RTEL1: variants seen among roughly 807,000 people sequenced by gnomAD.
RTEL1 encodes the protein regulator of telomere elongation helicase 1.
In RTEL1, 86 loss-of-function variants were observed where a neutral mutation model predicts 162.2. The observed-to-expected ratio is 0.53, with a 90% CI of 0.45 to 0.63. The LOEUF is 0.63. Among genes scored for constraint, RTEL1 ranks in the 30% least tolerant of loss-of-function variants. RTEL1 has a pLI of 0.00. For synonymous variants in RTEL1, 958 were observed against 717.9 expected (o/e 1.33, Z -5.35); for missense variants, 1,941 against 1,750.2 (o/e 1.11, Z -1.95).
intron 30 of RTEL1, among the ~76,000 whole-genome samples, chr20:63,694,135 C>T (rs915977353): frequency 6.6e-6 from 1 of 152,154 alleles, no homozygotes; most frequent in African/African-American, 2.4e-5. Context: ...CTGCACCCAG[C>T]CTACGGCTCT....
At chr20:63,681,998 C>T in intron 14 of RTEL1, 1 of 985,444 alleles carries the variant, frequency 1.0e-6, no homozygotes, top group Non-Finnish European at 1.2e-6. Context: ...CTTCCATGTC[C>T]CTGATGGGTC....
intron 23 of RTEL1, 44 bp from the exon 24 acceptor site, chr20:63,689,706 C>A (rs777324999): frequency 6.2e-7 from 1 of 1,604,670 alleles, no homozygotes; most frequent in Non-Finnish European, 8.5e-7. Flanking sequence ...GCCCCCGCCC[C>A]GTGGCCAAGG....
intron 14 of RTEL1, among the ~76,000 whole-genome samples, chr20:63,683,130 A>G (rs1351649965): frequency 6.6e-6 from 1 of 152,172 alleles, no homozygotes; most frequent in East Asian, 1.9e-4. Flanking sequence ...CACTCAGCTA[A>G]TTTTTAAAAT....
chr20:63,688,785 A>G (rs2090655366), intron 21 of RTEL1, 180 bp downstream of exon 21: 2 of 649,820 alleles, frequency 3.1e-6, no homozygotes, highest in Admixed American at 2.9e-5. Flanking sequence ...CAAAGCCCCC[A>G]GCACCGGGTG....
At chr20:63,686,180 C>T in intron 16 of RTEL1, 1 of 468,204 alleles carries the variant, frequency 2.1e-6, no homozygotes, top group East Asian at 4.1e-5. Flanking sequence ...GCCGTCAGCA[C>T]AGAGCCTCCA....
intron 29 of RTEL1, 61 bp downstream of exon 29, chr20:63,693,064 G>A (rs1363200720): frequency 1.9e-6 from 3 of 1,609,678 alleles, no homozygotes; most frequent in South Asian, 1.1e-5. Context: ...GTGTGGGGTG[G>A]GGGCCATCTG....
At chr20:63,687,486 GTTCTGAC>G (rs977814241) in intron 16 of RTEL1, 145 bp from the exon 17 acceptor site, 36 of 903,108 alleles carry the variant, frequency 4.0e-5, no homozygotes, top group Middle Eastern at 6.9e-4. Context: ...AGCCTCCTTT[GTTCTGAC>G]TTCTGCACAG....
intron 10 of RTEL1, among the ~76,000 whole-genome samples, chr20:63,675,207 T>A (rs1031386685): frequency 6.6e-6 from 1 of 152,230 alleles, no homozygotes; most frequent in African/African-American, 2.4e-5. Context: ...GCCCGGCCTT[T>A]GTCCATATTT....
chr20:63,693,469 C>T lies in RTEL1; in HGVS notation c.2992+186C>T, dbSNP rs1338660755. On this transcript the variant is annotated intron_variant, in intron 30 of 34. Coordinates refer to ENST00000360203, the MANE Select transcript of RTEL1 (RefSeq NM_001283009.2). ...AGCAGCACCACCTCCACCTCCACCT[C>T]CACCTCCACCTCCACCACCACCTCC... Among the ~76,000 whole-genome samples, 7 of 30,970 alleles carry T rather than the reference C, an allele frequency of 2.3e-4. 1 individual carries two copies. Among genetic ancestry groups the T allele is most frequent in the African/African-American group, 4.4e-4 (4 of 9,058 alleles). The allele number at this position is 30,970 out of a possible 152,430, so 20.3% of individuals were successfully genotyped here. A position where few individuals can be genotyped will look rare whatever the true frequency, so the allele number is the denominator to read the frequency against.
In RTEL1 at chr20:63,667,552, AGGT is replaced by A; in HGVS notation, c.699+2_699+4del. 1 of 1,613,234 alleles carries A rather than the reference AGGT, an allele frequency of 6.2e-7. No individual in the cohort carries two copies. The highest frequency in any genetic ancestry group is 1.7e-4 in the Middle Eastern group (1 of 6,060). Reference sequence around the variant, plus strand: ...CCGTACAATTACTTGTTGGATGCCAAGGTGGGGGCTCAGTCCTGTAGCTGACGA... The same window carrying A: ...CCGTACAATTACTTGTTGGATGCCAAGGGGGCTCAGTCCTGTAGCTGACGA... On this transcript the variant is annotated splice_donor_variant and coding_sequence_variant, in exon 8 of 35. Transcript: ENST00000360203. LOFTEE classifies it high-confidence loss of function.
In RTEL1 at chr20:63,693,127, G is replaced by T. The variant is rs143229960; in HGVS notation, c.2852-16G>T. 1 of 1,612,194 alleles carries T rather than the reference G, an allele frequency of 6.2e-7. No individual in the cohort carries two copies. Among genetic ancestry groups the T allele is most frequent in the Non-Finnish European group, 8.5e-7 (1 of 1,179,574 alleles). The stretch of plus-strand genomic sequence containing the variant: ...GAAAAAGGGGCAGATGGGGACAGAC[G>T]CCCCTTCCTCTACAGGCTTCTACCA... On this transcript the variant is annotated splice_polypyrimidine_tract_variant and intron_variant, in intron 29 of 34. Transcript: ENST00000360203.
upstream of RTEL1, chr20:63,658,106 G>C (rs922353452): frequency 5.9e-5 from 9 of 152,372 alleles, no homozygotes; most frequent in Non-Finnish European, 1.3e-4. Flanking sequence ...AGACCCTGGT[G>C]GGGGAATGAC....
intron 12 of RTEL1, 152 bp from the exon 13 acceptor site, chr20:63,679,697 C>CAAAG: frequency 1.5e-6 from 1 of 670,520 alleles, no homozygotes; most frequent in South Asian, 1.6e-5. Flanking sequence ...CTGATTTCCC[C>CAAAG]CTCCAGGCTC....
At chr20:63,674,612 G>A (rs2090312075) in intron 10 of RTEL1, among the ~76,000 whole-genome samples, 1 of 151,928 alleles carries the variant, frequency 6.6e-6, no homozygotes, top group African/African-American at 2.4e-5. Context: ...GAAGTGGGAG[G>A]CGTGCTTGAG....
chr20:63,661,525 C>T lies in RTEL1; in HGVS notation c.301+29C>T, dbSNP rs1601083751. ...ACCCTAGTTCCCAGGCCTCTCCTGGCCTCCTGTGGGGATGGTTGGCAAGGG... is the reference window on the plus strand; with the variant it reads ...ACCCTAGTTCCCAGGCCTCTCCTGGTCTCCTGTGGGGATGGTTGGCAAGGG... On this transcript the variant is annotated intron_variant, in intron 3 of 34. Transcript: ENST00000360203. This position sits in a 1 kb window ranked among gnomAD's most constrained non-coding sequence, Gnocchi z 5.1. 6.3e-7 allele frequency: 1 copy of T among 1,592,676 alleles called. No homozygotes were observed. Among genetic ancestry groups the T allele is most frequent in the Non-Finnish European group, 8.5e-7 (1 of 1,172,474 alleles).
At chr20:63,662,065 C>CG (rs1395039890) in intron 4 of RTEL1, 122 bp downstream of exon 4, 3 of 815,420 alleles carry the variant, frequency 3.7e-6, no homozygotes, top group Non-Finnish European at 6.1e-6. Context: ...GACGCTCCCC[C>CG]GAAGTGTGCA....
At chr20:63,689,410 G>A in intron 22 of RTEL1, 92 bp from the exon 23 acceptor site, 2 of 1,402,062 alleles carry the variant, frequency 1.4e-6, no homozygotes, top group Non-Finnish European at 9.5e-7. Flanking sequence ...CCTGGTTGGG[G>A]ACGGAGCCTC....
Position 63,688,070 on chromosome 20 carries a change from C to T in RTEL1, c.1595+20C>T, listed in dbSNP as rs1156301308. The stretch of plus-strand genomic sequence containing the variant: ...CAGACGGTGAGGGCCTGTCCCTGGG[C>T]CCTGCTGGGGTGGGAGGTGGGGGAG... On this transcript the variant is annotated intron_variant, in intron 18 of 34. Transcript: ENST00000360203. 6.2e-7 allele frequency: 1 copy of T among 1,611,968 alleles called. No homozygotes were observed. The highest frequency in any genetic ancestry group is 8.5e-7 in the Non-Finnish European group (1 of 1,179,302).
chr20:63,665,613 G>C (rs942300634), intron 6 of RTEL1, among the ~76,000 whole-genome samples: 1 of 152,180 alleles, frequency 6.6e-6, no homozygotes, highest in Non-Finnish European at 1.5e-5. Context: ...GCAGGGGTTT[G>C]TGGGAGATGC....
Sources: allele counts gnomAD v4.1 joint callset (sites outside exome capture counted in the v4.1 genomes callset), GRCh38; gene constraint gnomAD v4.1.1; non-coding constraint Gnocchi (gnomAD v3.1); transcripts MANE v1.5; gene names NCBI Gene and HGNC (gene_info 2026-07-23, HGNC 2026-07-21).